B3GALT1: variants seen among roughly 807,000 people sequenced by gnomAD.
The protein encoded by B3GALT1 is beta-1,3-galactosyltransferase 1.
B3GALT1 carries 10 observed loss-of-function variants against 23.2 expected under a neutral mutation model. The ratio of observed to expected loss-of-function variants is 0.43; its 90% confidence interval spans 0.27 to 0.73. B3GALT1 has a LOEUF of 0.73. Among genes scored for constraint, B3GALT1 ranks in the 30% least tolerant of loss-of-function variants. The probability of loss-of-function intolerance (pLI) is 0.21; values close to 1 mark genes in which losing one functional copy is unlikely to be tolerated. For synonymous variants in B3GALT1, 156 were observed against 141.5 expected (o/e 1.10, Z -0.73); for missense variants, 299 against 405.4 (o/e 0.74, Z 2.25).
intron 1 of B3GALT1, among the ~76,000 whole-genome samples, chr2:167,341,842 G>A (rs1697151811): frequency 6.6e-6 from 1 of 152,090 alleles, no homozygotes; most frequent in Non-Finnish European, 1.5e-5. Context: ...TATCCAATGA[G>A]CTTATCAAAA....
At chr2:167,562,971 G>C (rs1359961191) in intron 2 of B3GALT1, among the ~76,000 whole-genome samples, 1 of 152,126 alleles carries the variant, frequency 6.6e-6, no homozygotes, top group Non-Finnish European at 1.5e-5. Flanking sequence ...TGGGGGCAAG[G>C]TCACCGATCA....
Position 167,821,431 on chromosome 2 carries a change from CT to C in B3GALT1, c.-230+2660del, listed in dbSNP as rs10573752. ...CTCATGAGATTTGACAAGGAAGGTA[CT>C]TTTTTTTTTTTTTTTTTTTTTGAGA... On this transcript the variant is annotated intron_variant, in intron 4 of 4. Transcript: ENST00000392690. Among the ~76,000 whole-genome samples, 820 of 108,690 alleles carry C rather than the reference CT, an allele frequency of 7.5e-3. 7 individuals carry two copies. Among genetic ancestry groups the C allele is most frequent in the African/African-American group, 0.024 (633 of 26,122 alleles). 71.3% of individuals were successfully genotyped at this position (108,690 alleles called of 152,430 possible). A position where few individuals can be genotyped will look rare whatever the true frequency, so the allele number is the denominator to read the frequency against.
At chr2:167,723,914 C>T (rs1028293673) in intron 3 of B3GALT1, among the ~76,000 whole-genome samples, 1 of 152,152 alleles carries the variant, frequency 6.6e-6, no homozygotes, top group African/African-American at 2.4e-5. Flanking sequence ...AGTCATAAGT[C>T]TTTTTGCTCT....
intron 2 of B3GALT1, among the ~76,000 whole-genome samples, chr2:167,599,637 A>G (rs895270956): frequency 1.3e-5 from 2 of 152,238 alleles, no homozygotes; most frequent in Non-Finnish European, 2.9e-5. Context: ...TGTGTCACCA[A>G]ACTATGTGTC....
chr2:167,864,620 C>G lies in B3GALT1; in HGVS notation c.-229-4191C>G, dbSNP rs191198562. Among the ~76,000 whole-genome samples the G allele has an allele frequency of 7.6e-4, 115 of 152,268 alleles. 1 individual carries two copies. The highest frequency in any genetic ancestry group is 2.6e-3 in the African/African-American group (107 of 41,552). On this transcript the variant is annotated intron_variant, in intron 4 of 4. Transcript: ENST00000392690. ...ACTGGGCGAATAGCAGCCTGAGATG[C>G]TCCCTGACACCCTGGGCTTTCCCAT...
chr2:167,610,026 T>C (rs1228535223), intron 2 of B3GALT1, among the ~76,000 whole-genome samples: 1 of 152,062 alleles, frequency 6.6e-6, no homozygotes, highest in Non-Finnish European at 1.5e-5. Context: ...TTAAAAAATA[T>C]ATAGTGCTAA....
rs181943188 is a variant in B3GALT1 at position 167,714,000 on chromosome 2, C to T, written c.-352+67034C>T. ...GCAGCAAGAGGTGGAGGAATAAAGC[C>T]GGGGCCAGTTGCTTCATTTTCGGCA... On this transcript the variant is annotated intron_variant, in intron 3 of 4. Coordinates refer to ENST00000392690, the MANE Select transcript of B3GALT1 (RefSeq NM_020981.4). 2.1e-4 allele frequency: 319 copies of T among 1,548,852 alleles called. 2 individuals carry two copies. The East Asian group carries it at 5.6e-3, about 27-fold the overall frequency.
intron 1 of B3GALT1, among the ~76,000 whole-genome samples, chr2:167,488,299 A>T (rs935135310): frequency 6.6e-6 from 1 of 152,176 alleles, no homozygotes; most frequent in Non-Finnish European, 1.5e-5. Context: ...CCTTCTCCCA[A>T]TGCTACAGTG....
At chr2:167,494,097 G>A (rs1699745722) in intron 2 of B3GALT1, among the ~76,000 whole-genome samples, 1 of 152,112 alleles carries the variant, frequency 6.6e-6, no homozygotes, top group Non-Finnish European at 1.5e-5. Context: ...CATTATAGTT[G>A]TATATATACT....
intron 3 of B3GALT1, among the ~76,000 whole-genome samples, chr2:167,814,241 T>A (rs1017127081): frequency 6.6e-6 from 1 of 152,246 alleles, no homozygotes; most frequent in Non-Finnish European, 1.5e-5. Context: ...TTGGAGGTCA[T>A]ATCACTAAGT....
chr2:167,535,521 T>C (rs1009796000), intron 2 of B3GALT1, among the ~76,000 whole-genome samples: 2 of 151,888 alleles, frequency 1.3e-5, no homozygotes, highest in African/African-American at 2.4e-5. Flanking sequence ...TATACTGGCA[T>C]GCCTTGCAGA....
chr2:167,393,602 A>G (rs1008829237), intron 1 of B3GALT1, among the ~76,000 whole-genome samples: 6 of 152,232 alleles, frequency 3.9e-5, no homozygotes, highest in South Asian at 2.1e-4. Flanking sequence ...TATGACAACA[A>G]TTTAAATTTC....
intron 3 of B3GALT1, among the ~76,000 whole-genome samples, chr2:167,670,651 C>T (rs1034643546): frequency 6.6e-6 from 1 of 151,896 alleles, no homozygotes; most frequent in Non-Finnish European, 1.5e-5. Context: ...ACAGATAACT[C>T]AATGAAATAG....
At chr2:167,658,411 G>C (rs1179789288) in intron 3 of B3GALT1, among the ~76,000 whole-genome samples, 2 of 152,006 alleles carry the variant, frequency 1.3e-5, no homozygotes, top group African/African-American at 4.8e-5. Context: ...AATTAAAAGA[G>C]ATTGGATCCA....
At chr2:167,603,721 C>A (rs1310775688) in intron 2 of B3GALT1, among the ~76,000 whole-genome samples, 3 of 152,144 alleles carry the variant, frequency 2.0e-5, no homozygotes, top group African/African-American at 7.2e-5. Flanking sequence ...GGCTTTCTGG[C>A]TCTCAAATCA....
chr2:167,373,636 A>G (rs1299472213), intron 1 of B3GALT1, among the ~76,000 whole-genome samples: 1 of 152,204 alleles, frequency 6.6e-6, no homozygotes, highest in African/African-American at 2.4e-5. Context: ...GGGAAACAAA[A>G]TGAAGATATT....
chr2:167,742,713 G>C (rs182925115), intron 3 of B3GALT1, among the ~76,000 whole-genome samples: 1 of 152,104 alleles, frequency 6.6e-6, no homozygotes, highest in East Asian at 1.9e-4. Flanking sequence ...CTGTTTTTCA[G>C]ATTTTTATTA....
chr2:167,561,328 G>C (rs907463726), intron 2 of B3GALT1, among the ~76,000 whole-genome samples: 12 of 152,058 alleles, frequency 7.9e-5, no homozygotes, highest in African/African-American at 2.7e-4. Context: ...AAATTTATAG[G>C]ACTAAATGCC....
intron 3 of B3GALT1, among the ~76,000 whole-genome samples, chr2:167,738,797 A>ACTTT (rs34431763): frequency 0.33 from 49,646 of 151,824 alleles, 8,421 homozygotes; most frequent in Non-Finnish European, 0.39. Flanking sequence ...TTCTTTGTAT[A>ACTTT]CTTTTGTGGG....
Sources: allele counts gnomAD v4.1 joint callset (sites outside exome capture counted in the v4.1 genomes callset), GRCh38; gene constraint gnomAD v4.1.1; transcripts MANE v1.5; gene names NCBI Gene and HGNC (gene_info 2026-07-23, HGNC 2026-07-21).